Variants in MGRN1 observed in about 807,000 individuals in gnomAD.
MGRN1 encodes mahogunin ring finger 1.
Under a neutral mutation model 69.2 loss-of-function variants are expected in MGRN1, and 29 were observed. That is an observed-to-expected ratio of 0.42 (90% CI 0.31 to 0.57). The LOEUF is 0.57. Among genes scored for constraint, MGRN1 ranks in the 20% least tolerant of loss-of-function variants. MGRN1 has a pLI of 0.15. For synonymous variants in MGRN1, 470 were observed against 344.2 expected, an observed-to-expected ratio of 1.37 and a Z score of -4.04; for missense variants, 998 against 796.2, an observed-to-expected ratio of 1.25 and a Z score of -3.05.
intron 5 of MGRN1, 42 bp from the exon 6 acceptor site, chr16:4,664,667 G>C: frequency 6.2e-7 from 1 of 1,607,212 alleles, no homozygotes; most frequent in Non-Finnish European, 8.5e-7. Context: ...TTCCAGGCTT[G>C]GCTGTGTGGG....
At chr16:4,630,080 A>G (rs1274779206) in intron 1 of MGRN1, among the ~76,000 whole-genome samples, 1 of 145,634 alleles carries the variant, frequency 6.9e-6, no homozygotes, top group African/African-American at 2.6e-5. Flanking sequence ...GCGCAGGTGC[A>G]GTGGCTCGCG....
At position 4,687,993 on chromosome 16, in the gene MGRN1, G is replaced by A. The variant is rs989254571; in HGVS notation, c.1619-803G>A. ...GTGGAAGGTGCCGTGCGAATGTCAC[G>A]ATTCAGGTCAAGCTTCCGGAGCTGG... is the stretch of plus-strand genomic sequence containing the variant. On this transcript the variant is annotated intron_variant, in intron 16 of 16. Coordinates refer to ENST00000262370, the MANE Select transcript of MGRN1 (RefSeq NM_015246.4). 19 of 985,486 alleles carry A rather than the reference G, an allele frequency of 1.9e-5. No homozygotes were observed. In the Admixed American group the frequency reaches 4.9e-4, roughly 25 times the overall value. 61.0% of individuals were successfully genotyped at this position (985,486 alleles called of 1,614,324 possible).
At chr16:4,686,589 G>C in intron 16 of MGRN1, 3 of 1,258,410 alleles carry the variant, frequency 2.4e-6, no homozygotes, top group Non-Finnish European at 2.0e-6. Flanking sequence ...CCCTGGAACA[G>C]TCCCAGCCCA....
chr16:4,688,068 C>G, intron 16 of MGRN1: 1 of 985,538 alleles, frequency 1.0e-6, no homozygotes, highest in East Asian at 1.1e-4. Flanking sequence ...GAAACCTGCT[C>G]TCGCCGCGGC....
At position 4,683,227 on chromosome 16, in the gene MGRN1, T is replaced by A; in HGVS notation, c.1486T>A (p.Phe496Ile). 6.2e-7 allele frequency: 1 copy of A among 1,613,758 alleles called. No homozygotes were observed. Among genetic ancestry groups the A allele is most frequent in the Non-Finnish European group, 8.5e-7 (1 of 1,179,954 alleles). ...ALRESSSPES[F>I]ITEEVDESSS... ...TACTTTCCCCTTTGTTTCCTAGAGT[T>A]TCATAACAGAAGAGGTTGATGAGTC... Residue 496 changes from phenylalanine to isoleucine, a missense_variant, in exon 15 of 17, where the codon TTC (phenylalanine) becomes ATC (isoleucine). Phe to Ile is a conservative substitution (Grantham distance 21). Transcript: ENST00000262370.
intron 1 of MGRN1, among the ~76,000 whole-genome samples, chr16:4,626,650 T>C (rs1897692872): frequency 6.6e-6 from 1 of 152,232 alleles, no homozygotes; most frequent in South Asian, 2.1e-4. Context: ...TGGCACTTCC[T>C]GTCACCTGGG....
intron 4 of MGRN1, among the ~76,000 whole-genome samples, 161 bp downstream of exon 4, chr16:4,652,985 G>T (rs1013778977): frequency 6.6e-6 from 1 of 152,194 alleles, no homozygotes; most frequent in African/African-American, 2.4e-5. Context: ...CCACCCCAGG[G>T]ACTCCCCACT....
chr16:4,646,476 A>G (rs7193088), intron 1 of MGRN1, among the ~76,000 whole-genome samples: 6,421 of 150,792 alleles, frequency 0.043, 456 homozygotes, highest in African/African-American at 0.15. Flanking sequence ...TTGCCTGGGC[A>G]TGGAGGGGCT....
intron 10 of MGRN1, among the ~76,000 whole-genome samples, chr16:4,675,743 A>G (rs2079040198): frequency 6.6e-6 from 1 of 152,146 alleles, no homozygotes; most frequent in Non-Finnish European, 1.5e-5. Context: ...CAAAAAAAAA[A>G]AAAAAAATTA....
At chr16:4,670,136 C>G (rs946513035) in intron 8 of MGRN1, among the ~76,000 whole-genome samples, 1 of 152,196 alleles carries the variant, frequency 6.6e-6, no homozygotes, top group Non-Finnish European at 1.5e-5. Context: ...GCGATCTCAG[C>G]TCACTTCAAC....
At chr16:4,630,041 ACCATCTC>A (rs1897916950) in intron 1 of MGRN1, among the ~76,000 whole-genome samples, 1 of 121,106 alleles carries the variant, frequency 8.3e-6, no homozygotes. Context: ...ACAGTGAGAC[ACCATCTC>A]AAAAAAAAAA....
chr16:4,680,986 C>G (rs2079170022), intron 12 of MGRN1, among the ~76,000 whole-genome samples: 1 of 152,252 alleles, frequency 6.6e-6, no homozygotes, highest in Non-Finnish European at 1.5e-5. Flanking sequence ...TCCCCAGAAC[C>G]TGGGCATTTT....
intron 10 of MGRN1, 113 bp from the exon 11 acceptor site, chr16:4,677,350 G>A (rs1596312010): frequency 9.6e-6 from 6 of 627,414 alleles, no homozygotes; most frequent in Non-Finnish European, 1.5e-5. Context: ...TGGAAGCGGG[G>A]TCACCCCAGG....
intron 2 of MGRN1, among the ~76,000 whole-genome samples, 187 bp from the exon 3 acceptor site, chr16:4,651,776 T>C (rs998715824): frequency 6.6e-6 from 1 of 152,036 alleles, no homozygotes; most frequent in African/African-American, 2.4e-5. Flanking sequence ...TCCTGGCCGT[T>C]GCGTGTGCTG....
chr16:4,663,391 T>TTTTTA (rs150893432), intron 5 of MGRN1, among the ~76,000 whole-genome samples: 4,069 of 123,196 alleles, frequency 0.033, 519 homozygotes, highest in Non-Finnish European at 0.042. Context: ...TTTTTTTTTT[T>TTTTTA]ACACCTTTAT....
chr16:4,664,920 G>A, intron 6 of MGRN1, 145 bp downstream of exon 6: 1 of 1,263,206 alleles, frequency 7.9e-7, no homozygotes, highest in Non-Finnish European at 1.1e-6. Flanking sequence ...GAGCAGCTTG[G>A]AGTCCCGGGC....
chr16:4,652,860 G>T (rs769356476), intron 4 of MGRN1, 36 bp downstream of exon 4: 8 of 1,562,500 alleles, frequency 5.1e-6, no homozygotes, highest in East Asian at 2.3e-5. Flanking sequence ...GGCCTGGCTG[G>T]GGGCCCCAGA....
rs575535006 is a variant in MGRN1 at position 4,652,848 on chromosome 16, C to A, written c.443+24C>A. ...GTGTGAGTCCCGCGGGCGGCTGGCACCGGCCTGGCTGGGGGCCCCAGACTC... is the reference window on the plus strand; with the variant it reads ...GTGTGAGTCCCGCGGGCGGCTGGCAACGGCCTGGCTGGGGGCCCCAGACTC... On this transcript the variant is annotated intron_variant, in intron 4 of 16. Coordinates refer to ENST00000262370, the MANE Select transcript of MGRN1 (RefSeq NM_015246.4). 3.8e-6 allele frequency: 6 copies of A among 1,574,634 alleles called. No homozygotes were observed. The South Asian group carries it at 7.0e-5, about 18-fold the overall frequency.
At chr16:4,669,448 A>AAAAAAAAAAAAC (rs2078891185) in intron 8 of MGRN1, among the ~76,000 whole-genome samples, 1 of 150,222 alleles carries the variant, frequency 6.7e-6, no homozygotes, top group Non-Finnish European at 1.5e-5. Flanking sequence ...AAAAAAAAAA[A>AAAAAAAAAAAAC]GCTGTGCAAC....
Sources: gnomAD v4.1 joint callset for allele counts (sites outside exome capture counted in the v4.1 genomes callset) on GRCh38, gnomAD v4.1.1 for gene constraint, MANE v1.5 for transcripts, NCBI Gene and HGNC (gene_info 2026-07-23, HGNC 2026-07-21) for gene names.